Variants in NAV2 observed in about 807,000 individuals in gnomAD.
NAV2 encodes helicase, APC down-regulated 1.
Under a neutral mutation model 223.2 loss-of-function variants are expected in NAV2, and 54 were observed. The ratio of observed to expected loss-of-function variants is 0.24; its 90% CI spans 0.19 to 0.30. The LOEUF is 0.30. Ranked by LOEUF, NAV2 falls within the 10% of genes least tolerant of loss-of-function variation. NAV2 has a pLI of 1.00. For missense variants in NAV2, 2,806 were observed against 3,147.5 expected (o/e 0.89, Z 2.60); for synonymous variants, 1,279 against 1,239.3 (o/e 1.03, Z -0.67).
At chr11:20,067,046 G>A (rs2059091171) in intron 20 of NAV2, among the ~76,000 whole-genome samples, 1 of 152,130 alleles carries the variant, frequency 6.6e-6, no homozygotes, top group African/African-American at 2.4e-5. Flanking sequence ...ATAGTTTCTG[G>A]CTAGCAGGTA....
chr11:20,109,168 C>T (rs1019625738), intron 36 of NAV2, among the ~76,000 whole-genome samples: 3 of 152,182 alleles, frequency 2.0e-5, no homozygotes, highest in Non-Finnish European at 2.9e-5. Flanking sequence ...TGATGGTCTT[C>T]AGAGGCATTC....
chr11:20,067,644 A>ATTTTTTTTTTT (rs11371990), intron 20 of NAV2, among the ~76,000 whole-genome samples: 1 of 129,264 alleles, frequency 7.7e-6, no homozygotes. Context: ...CACCCGGCTA[A>ATTTTTTTTTTT]TTTTTTTTTT....
chr11:19,364,340 G>A (rs564664531), intron 1 of NAV2, among the ~76,000 whole-genome samples: 1 of 152,314 alleles, frequency 6.6e-6, no homozygotes, highest in South Asian at 2.1e-4. Flanking sequence ...AGAAGCCGTA[G>A]CTGGTTCTCT....
At chr11:19,898,255 T>G (rs1163732155) in intron 6 of NAV2, among the ~76,000 whole-genome samples, 2 of 152,170 alleles carry the variant, frequency 1.3e-5, no homozygotes, top group African/African-American at 4.8e-5. Context: ...ATGGAAGATA[T>G]TCAAACAACA....
intron 1 of NAV2, among the ~76,000 whole-genome samples, chr11:19,620,942 C>A (rs1371910571): frequency 6.6e-6 from 1 of 152,116 alleles, no homozygotes; most frequent in Non-Finnish European, 1.5e-5. Flanking sequence ...CCCATTAATA[C>A]CTAATTTATT....
At chr11:19,422,292 G>A (rs1850647549) in intron 1 of NAV2, among the ~76,000 whole-genome samples, 1 of 152,212 alleles carries the variant, frequency 6.6e-6, no homozygotes, top group Non-Finnish European at 1.5e-5. Flanking sequence ...CATCTCTGCT[G>A]GGCTGATCCA....
At chr11:19,839,864 G>A (rs2152934320) in intron 2 of NAV2, among the ~76,000 whole-genome samples, 1 of 152,316 alleles carries the variant, frequency 6.6e-6, no homozygotes, top group Non-Finnish European at 1.5e-5. Context: ...ATTACCATTG[G>A]CACTTAAGGA....
chr11:19,560,720 C>CTGAG (rs1475953242), intron 1 of NAV2, among the ~76,000 whole-genome samples: 2 of 152,210 alleles, frequency 1.3e-5, no homozygotes, highest in Non-Finnish European at 2.9e-5. Flanking sequence ...CTCCATCTTT[C>CTGAG]TGAGTGTCTG....
At chr11:20,114,461 A>C in intron 36 of NAV2, 131 bp from the exon 37 acceptor site, 1 of 777,228 alleles carries the variant, frequency 1.3e-6, no homozygotes, top group Non-Finnish European at 2.1e-6. Context: ...TGAGCATGGA[A>C]TAGAAGTGGA....
upstream of NAV2, among the ~76,000 whole-genome samples, chr11:19,348,294 TC>T (rs1285170684): frequency 6.6e-6 from 1 of 152,176 alleles, no homozygotes; most frequent in East Asian, 1.9e-4. Context: ...GAGAAGGCCT[TC>T]CAAGCAGGAG....
intron 1 of NAV2, among the ~76,000 whole-genome samples, chr11:19,394,255 GGTATTTCCC>G (rs1849362159): frequency 1.2e-4 from 18 of 152,000 alleles, no homozygotes; most frequent in Admixed American, 1.2e-3. Flanking sequence ...TGGGAAAGAG[GGTATTTCCC>G]AGTTTCTTTC....
intron 1 of NAV2, among the ~76,000 whole-genome samples, chr11:19,365,065 T>C (rs1854186307): frequency 6.6e-6 from 1 of 152,354 alleles, no homozygotes; most frequent in South Asian, 2.1e-4. Flanking sequence ...TGAGGTTCTT[T>C]TCCAGATATG....
chr11:19,439,009 G>A (rs965573171), intron 1 of NAV2, among the ~76,000 whole-genome samples: 2 of 152,218 alleles, frequency 1.3e-5, no homozygotes, highest in African/African-American at 4.8e-5. Context: ...GAGTGGAGAG[G>A]GCTGATTGCT....
intron 1 of NAV2, among the ~76,000 whole-genome samples, chr11:19,686,502 A>G (rs1010705449): frequency 2.6e-5 from 4 of 152,166 alleles, no homozygotes; most frequent in Non-Finnish European, 4.4e-5. Context: ...TTGCCTGTTC[A>G]TTTCTCCTCA....
intron 1 of NAV2, among the ~76,000 whole-genome samples, chr11:19,823,269 G>A (rs1005767862): frequency 6.6e-5 from 10 of 152,150 alleles, no homozygotes; most frequent in African/African-American, 1.2e-4. Flanking sequence ...GTGCAATGGC[G>A]TGTTCTTGGC....
At chr11:19,454,063 T>C (rs1399332754) in intron 1 of NAV2, among the ~76,000 whole-genome samples, 1 of 152,130 alleles carries the variant, frequency 6.6e-6, no homozygotes, top group Non-Finnish European at 1.5e-5. Context: ...AATGAAACAA[T>C]GGTTACCGGG....
intron 1 of NAV2, among the ~76,000 whole-genome samples, chr11:19,629,470 C>T (rs1013263482): frequency 1.1e-4 from 17 of 151,810 alleles, no homozygotes; most frequent in African/African-American, 3.1e-4. Context: ...ATTTTTCTTA[C>T]GCACTTGCGC....
chr11:20,111,145 G>A (rs2062606892), intron 36 of NAV2, among the ~76,000 whole-genome samples: 1 of 152,206 alleles, frequency 6.6e-6, no homozygotes, highest in Admixed American at 6.5e-5. Flanking sequence ...CTTCCTGAAT[G>A]TGCAGCCGAT....
intron 1 of NAV2, among the ~76,000 whole-genome samples, chr11:19,653,131 C>G (rs1337691175): frequency 6.6e-6 from 1 of 152,150 alleles, no homozygotes; most frequent in East Asian, 1.9e-4. Context: ...GCCTTAATAG[C>G]ATGTGACACT....
Sources: allele counts gnomAD v4.1 joint callset (sites outside exome capture counted in the v4.1 genomes callset), GRCh38; gene constraint gnomAD v4.1.1; transcripts MANE v1.5; gene names NCBI Gene and HGNC (gene_info 2026-07-23, HGNC 2026-07-21).